L3MBTL3: variants seen among roughly 807,000 people sequenced by gnomAD.
L3MBTL3 encodes L3MBTL histone methyl-lysine binding protein 3.
A neutral mutation model predicts 102.3 loss-of-function variants in L3MBTL3; 27 were observed. The ratio of observed to expected loss-of-function variants is 0.26; its 90% CI spans 0.19 to 0.36. L3MBTL3 has a LOEUF of 0.36. Among genes scored for constraint, L3MBTL3 ranks in the 10% least tolerant of loss-of-function variants. L3MBTL3 has a pLI of 1.00. For synonymous variants in L3MBTL3, 340 were observed against 320.9 expected, an observed-to-expected ratio of 1.06 and a Z score of -0.64; for missense variants, 798 against 955.3, an observed-to-expected ratio of 0.84 and a Z score of 2.17.
chr6:130,099,079 C>T (rs1784531044), intron 18 of L3MBTL3, among the ~76,000 whole-genome samples: 1 of 151,686 alleles, frequency 6.6e-6, no homozygotes, highest in African/African-American at 2.4e-5. Flanking sequence ...ATCCTTCTAC[C>T]ACACCTAATG....
intron 18 of L3MBTL3, among the ~76,000 whole-genome samples, chr6:130,100,490 G>T (rs1015347096): frequency 6.6e-6 from 1 of 152,110 alleles, no homozygotes; most frequent in East Asian, 1.9e-4. Flanking sequence ...TCTTCTCAGG[G>T]TTCAGAGAAA....
chr6:130,075,879 G>A (rs1339305129), intron 13 of L3MBTL3, among the ~76,000 whole-genome samples: 1 of 152,176 alleles, frequency 6.6e-6, no homozygotes, highest in African/African-American at 2.4e-5. Context: ...TGATACGAGG[G>A]TGATGAGATG....
At chr6:130,049,998 C>A (rs1435782664) in intron 5 of L3MBTL3, among the ~76,000 whole-genome samples, 168 bp downstream of exon 5, 3 of 152,224 alleles carry the variant, frequency 2.0e-5, no homozygotes, top group African/African-American at 7.2e-5. Flanking sequence ...TTCTTCCCAT[C>A]CCCATATCCT....
At chr6:130,075,261 C>T (rs932708882) in intron 13 of L3MBTL3, among the ~76,000 whole-genome samples, 2 of 151,962 alleles carry the variant, frequency 1.3e-5, no homozygotes, top group African/African-American at 4.8e-5. Context: ...GGTGATGGCA[C>T]TTGGAGGGAA....
At chr6:130,137,018 G>T (rs1292956242) in intron 22 of L3MBTL3, among the ~76,000 whole-genome samples, 1 of 152,152 alleles carries the variant, frequency 6.6e-6, no homozygotes, top group African/African-American at 2.4e-5. Context: ...TCCACAAAAA[G>T]TTTTTTGCTT....
chr6:130,042,077 T>G (rs967947486), intron 2 of L3MBTL3, among the ~76,000 whole-genome samples: 3 of 152,218 alleles, frequency 2.0e-5, no homozygotes, highest in Admixed American at 6.5e-5. Context: ...TTTCTCATGT[T>G]ACAAAGACAA....
chr6:130,056,173 C>A (rs111981817), intron 8 of L3MBTL3, among the ~76,000 whole-genome samples: 1,530 of 152,254 alleles, frequency 0.01, 27 homozygotes, highest in African/African-American at 0.035. Flanking sequence ...AGCCATCTGC[C>A]CGTGTCTACC....
chr6:130,086,313 T>A, intron 16 of L3MBTL3, 63 bp downstream of exon 16: 2 of 1,096,692 alleles, frequency 1.8e-6, no homozygotes, highest in Non-Finnish European at 2.7e-6. Flanking sequence ...GATAAAAACT[T>A]TGGTAGATAC....
chr6:130,020,928 A>C (rs904933353), intron 1 of L3MBTL3, among the ~76,000 whole-genome samples: 3 of 151,162 alleles, frequency 2.0e-5, no homozygotes, highest in African/African-American at 7.3e-5. Flanking sequence ...CACAGAAACA[A>C]AAATAGATTT....
chr6:130,095,718 C>T (rs1033163504), intron 18 of L3MBTL3, among the ~76,000 whole-genome samples: 2 of 152,078 alleles, frequency 1.3e-5, no homozygotes, highest in Non-Finnish European at 2.9e-5. Flanking sequence ...AGTCTGAGAT[C>T]CAGGGGCCAG....
chr6:130,092,926 C>T, intron 17 of L3MBTL3, 67 bp downstream of exon 17: 1 of 991,820 alleles, frequency 1.0e-6, no homozygotes, highest in South Asian at 1.4e-5. Context: ...AGATTTCATC[C>T]TTAGCCCTTT....
intron 19 of L3MBTL3, among the ~76,000 whole-genome samples, chr6:130,116,060 A>G (rs908327136): frequency 6.6e-6 from 1 of 152,212 alleles, no homozygotes; most frequent in Non-Finnish European, 1.5e-5. Context: ...GTTATAACCC[A>G]GACAGTCTGA....
Position 130,049,305 on chromosome 6 carries a change from C to G in L3MBTL3, c.126C>G (p.Ala42=), listed in dbSNP as rs754154135. 16 of 1,612,582 alleles carry G rather than the reference C, an allele frequency of 9.9e-6. No homozygotes were observed. Among genetic ancestry groups the G allele is most frequent in the Admixed American group, 5.0e-5 (3 of 59,890 alleles). Residue 42 remains alanine, a synonymous_variant, in exon 4 of 23, where the codon GCC becomes GCG. Coordinates refer to ENST00000361794, the MANE Select transcript of L3MBTL3 (RefSeq NM_032438.4). ...DLKFRVNEFG[A]LEVITDENEM... Reference sequence around the variant, plus strand: ...AGTTTCGGGTAAATGAGTTTGGAGCCCTGGAAGTTATTACAGATGAGAATG... The same window carrying G: ...AGTTTCGGGTAAATGAGTTTGGAGCGCTGGAAGTTATTACAGATGAGAATG...
chr6:130,024,409 C>G (rs925584272), intron 2 of L3MBTL3, among the ~76,000 whole-genome samples: 3 of 152,134 alleles, frequency 2.0e-5, no homozygotes, highest in African/African-American at 7.2e-5. Flanking sequence ...TTCATCTCCA[C>G]TCTTTGGAGA....
chr6:130,019,965 C>T (rs1451183157), intron 1 of L3MBTL3, among the ~76,000 whole-genome samples: 1 of 103,414 alleles, frequency 9.7e-6, no homozygotes, highest in Non-Finnish European at 1.9e-5. Context: ...CGGGCGCGGG[C>T]GTGTGTCGGG....
chr6:130,082,110 T>C (rs1355182017), intron 14 of L3MBTL3, among the ~76,000 whole-genome samples: 1 of 152,218 alleles, frequency 6.6e-6, no homozygotes, highest in Non-Finnish European at 1.5e-5. Flanking sequence ...TCTGTCTCTT[T>C]ACTGGTTCGC....
Position 130,051,366 on chromosome 6 carries a change from G to T in L3MBTL3, c.407G>T (p.Gly136Val), listed in dbSNP as rs1414892305. ...YGNVDECLSG[G>V]NYCSQNCARH... Reference sequence around the variant, plus strand: ...AACGTAGATGAGTGTCTTTCTGGAGGAAACTATTGCAGCCAGAATTGTGCT... The same window carrying T: ...AACGTAGATGAGTGTCTTTCTGGAGTAAACTATTGCAGCCAGAATTGTGCT... The change falls in exon 6 of 23, where the codon GGA (glycine) becomes GTA (valine). Residue 136 changes from glycine (G) to valine (V), a missense_variant. Gly to Val is a moderately radical substitution (Grantham distance 109). Transcript: ENST00000361794. 1 of 1,613,976 alleles carries T rather than the reference G, an allele frequency of 6.2e-7. No homozygotes were observed. Among genetic ancestry groups the T allele is most frequent in the Non-Finnish European group, 8.5e-7 (1 of 1,179,960 alleles).
intron 14 of L3MBTL3, among the ~76,000 whole-genome samples, chr6:130,083,252 AACTT>A (rs1783479432): frequency 1.3e-5 from 2 of 152,128 alleles, no homozygotes; most frequent in South Asian, 2.1e-4. Context: ...AAGGTCATTT[AACTT>A]ACTTAATTTT....
chr6:130,116,723 G>C (rs976505521), intron 19 of L3MBTL3, among the ~76,000 whole-genome samples: 3 of 151,910 alleles, frequency 2.0e-5, no homozygotes, highest in Non-Finnish European at 4.4e-5. Flanking sequence ...CTGCACTCCA[G>C]CCTGGACAGT....
Sources: gnomAD v4.1 joint callset for allele counts (sites outside exome capture counted in the v4.1 genomes callset) on GRCh38, gnomAD v4.1.1 for gene constraint, MANE v1.5 for transcripts, NCBI Gene and HGNC (gene_info 2026-07-23, HGNC 2026-07-21) for gene names.